The following TBL1XR1 variants were observed in gnomAD, a reference collection of about 807,000 sequenced individuals.
The protein encoded by TBL1XR1 is TBL1X/Y related 1.
A neutral mutation model predicts 66.9 loss-of-function variants in TBL1XR1; 5 were observed. The ratio of observed to expected loss-of-function variants is 0.07; its 90% CI spans 0.04 to 0.16. The LOEUF (loss-of-function observed/expected upper bound fraction) is 0.16. Ranked by LOEUF, TBL1XR1 falls within the 10% of genes least tolerant of loss-of-function variation. The pLI, the probability that TBL1XR1 is intolerant of heterozygous loss-of-function variation, is 1.00. For synonymous variants in TBL1XR1, 210 were observed against 206.0 expected (o/e 1.02, Z -0.17); for missense variants, 238 against 623.2 (o/e 0.38, Z 6.58).
chr3:177,177,964 T>G (rs1266979833), intron 1 of TBL1XR1, among the ~76,000 whole-genome samples: 3 of 151,518 alleles, frequency 2.0e-5, no homozygotes, highest in Admixed American at 1.3e-4. Context: ...CTGCCGCGGG[T>G]GGGCAGTAAT....
At chr3:177,030,705 A>G (rs1002148196) in intron 14 of TBL1XR1, among the ~76,000 whole-genome samples, 2 of 152,238 alleles carry the variant, frequency 1.3e-5, no homozygotes, top group Admixed American at 1.3e-4. Flanking sequence ...GAAATGTATA[A>G]TTATTAAAAG....
At chr3:177,156,157 T>C (rs1279943428) in intron 1 of TBL1XR1, among the ~76,000 whole-genome samples, 2 of 108,084 alleles carry the variant, frequency 1.9e-5, no homozygotes, top group Non-Finnish European at 3.6e-5. Context: ...GTGAAACTTC[T>C]ACTCTACCAA....
intron 1 of TBL1XR1, among the ~76,000 whole-genome samples, chr3:177,100,810 G>C (rs1724104275): frequency 6.6e-6 from 1 of 151,900 alleles, no homozygotes; most frequent in East Asian, 1.9e-4. Context: ...AGCAAGTGAA[G>C]AGTTCGTTCT....
At chr3:177,147,463 C>T (rs187812587) in intron 1 of TBL1XR1, among the ~76,000 whole-genome samples, 19 of 152,246 alleles carry the variant, frequency 1.2e-4, no homozygotes, top group South Asian at 1.0e-3. Context: ...ACTTTTGAGC[C>T]AAAGTGCAAA....
At chr3:177,175,089 T>A (rs960936805) in intron 1 of TBL1XR1, among the ~76,000 whole-genome samples, 3 of 152,348 alleles carry the variant, frequency 2.0e-5, no homozygotes, top group Admixed American at 2.0e-4. Flanking sequence ...TTATGGTAAA[T>A]TATTTTAATG....
At chr3:177,144,524 C>T (rs1184031797) in intron 1 of TBL1XR1, among the ~76,000 whole-genome samples, 2 of 151,716 alleles carry the variant, frequency 1.3e-5, no homozygotes, top group East Asian at 1.9e-4. Context: ...GAGGCCAAGG[C>T]GGGTGGATCA....
intron 1 of TBL1XR1, among the ~76,000 whole-genome samples, chr3:177,129,348 T>G (rs895954169): frequency 7.2e-5 from 11 of 151,892 alleles, no homozygotes; most frequent in African/African-American, 2.7e-4. Context: ...TTACAGAAAA[T>G]AAAAATTTTA....
At chr3:177,177,287 TA>T (rs1306519763) in intron 1 of TBL1XR1, among the ~76,000 whole-genome samples, 1 of 151,958 alleles carries the variant, frequency 6.6e-6, no homozygotes, top group East Asian at 1.9e-4. Flanking sequence ...CCATCTCTAC[TA>T]AAAATACAAA....
At chr3:177,069,978 C>T (rs936113783) in intron 2 of TBL1XR1, among the ~76,000 whole-genome samples, 2 of 152,178 alleles carry the variant, frequency 1.3e-5, no homozygotes, top group Non-Finnish European at 2.9e-5. Flanking sequence ...CAACCTGTCA[C>T]CTATATTTGT....
intron 1 of TBL1XR1, among the ~76,000 whole-genome samples, chr3:177,109,803 T>C (rs1189879375): frequency 2.0e-5 from 3 of 152,016 alleles, no homozygotes; most frequent in African/African-American, 4.8e-5. Flanking sequence ...AACCCCTGGG[T>C]TGCAATATTA....
chr3:177,196,291 C>A (rs945537175), intron 1 of TBL1XR1: 2 of 152,132 alleles, frequency 1.3e-5, no homozygotes, highest in Non-Finnish European at 2.9e-5. Flanking sequence ...CACAACGTGG[C>A]CTTTACACTG....
intron 1 of TBL1XR1, among the ~76,000 whole-genome samples, chr3:177,171,686 G>C (rs999080385): frequency 8.6e-6 from 1 of 116,650 alleles, no homozygotes. Context: ...CTGGGCAACA[G>C]AGCCAGACTC....
upstream of TBL1XR1, among the ~76,000 whole-genome samples, chr3:177,197,633 AGCGGGCGG>A (rs1247166209): frequency 1.3e-5 from 1 of 78,996 alleles, no homozygotes; most frequent in African/African-American, 4.8e-5. Context: ...CGGGCGGGCG[AGCGGGCGG>A]GCGGGCGCGC....
intron 10 of TBL1XR1, among the ~76,000 whole-genome samples, chr3:177,040,404 A>G (rs1715419139): frequency 6.6e-6 from 1 of 152,362 alleles, no homozygotes; most frequent in African/African-American, 2.4e-5. Context: ...ACGTCTGTGG[A>G]AAGGGAAAAC....
intron 1 of TBL1XR1, among the ~76,000 whole-genome samples, chr3:177,192,169 G>A (rs957689345): frequency 2.0e-5 from 3 of 151,862 alleles, no homozygotes; most frequent in African/African-American, 4.8e-5. Context: ...AGGCCAAAGC[G>A]GGCAGATCAC....
intron 2 of TBL1XR1, chr3:177,080,085 G>C (rs749435344): frequency 6.6e-6 from 1 of 152,158 alleles, no homozygotes; most frequent in African/African-American, 2.4e-5. Context: ...GTTAACACTG[G>C]AAACAGCAGT....
intron 1 of TBL1XR1, among the ~76,000 whole-genome samples, chr3:177,174,633 A>G (rs899002336): frequency 2.0e-5 from 3 of 152,018 alleles, no homozygotes; most frequent in Admixed American, 6.6e-5. Flanking sequence ...AGCTCTTTTC[A>G]ATACCACTCT....
At chr3:177,187,631 G>A (rs975112250) in intron 1 of TBL1XR1, among the ~76,000 whole-genome samples, 5 of 151,990 alleles carry the variant, frequency 3.3e-5, no homozygotes, top group Admixed American at 3.3e-4. Context: ...CATTCAAGCA[G>A]ATGCAAACTA....
intron 13 of TBL1XR1, 75 bp from the exon 14 acceptor site, chr3:177,033,211 C>A: frequency 7.8e-7 from 1 of 1,288,052 alleles, no homozygotes; most frequent in Admixed American, 2.7e-5. Context: ...CCCAACCTCC[C>A]ATATTCAGCC....
Sources: gnomAD v4.1 joint callset for allele counts (sites outside exome capture counted in the v4.1 genomes callset) on GRCh38, gnomAD v4.1.1 for gene constraint, MANE v1.5 for transcripts, NCBI Gene and HGNC (gene_info 2026-07-23, HGNC 2026-07-21) for gene names.